Variants in RUSC2 observed in about 807,000 individuals in gnomAD.
The protein encoded by RUSC2 is AP-4 complex accessory subunit RUSC2.
In RUSC2, 34 loss-of-function variants were observed where a neutral mutation model predicts 122.2. The observed-to-expected ratio is 0.28, with a 90% CI of 0.21 to 0.37. The LOEUF (loss-of-function observed/expected upper bound fraction) is 0.37, where lower values mean the gene tolerates loss of function less well. Among genes scored for constraint, RUSC2 ranks in the 10% least tolerant of loss-of-function variants. The pLI is 1.00. For synonymous variants in RUSC2, 784 were observed against 790.0 expected, an observed-to-expected ratio of 0.99 and a Z score of 0.13; for missense variants, 1,747 against 1,952.4, an observed-to-expected ratio of 0.89 and a Z score of 1.98.
intron 1 of RUSC2, among the ~76,000 whole-genome samples, chr9:35,524,919 C>A (rs553859506): frequency 2.7e-5 from 4 of 150,422 alleles, no homozygotes; most frequent in East Asian, 2.0e-4. Flanking sequence ...TGCAGTAAGC[C>A]AAGATCGCAC....
At position 35,547,281 on chromosome 9, in the gene RUSC2, A is replaced by G. The variant is rs748415927; in HGVS notation, c.760A>G (p.Ser254Gly). The stretch of plus-strand genomic sequence containing the variant: ...AGGGGACCAGCACTGCCGCTGCAGT[A>G]GCACATCCAGTCAGTCCGAGGCAGC... ...GSGDQHCRCSSTSSQSEAADQ... is the reference protein window; with the variant it reads ...GSGDQHCRCSGTSSQSEAADQ... The change falls in exon 2 of 12, where the codon AGC becomes GGC. Residue 254 changes from serine to glycine, a missense_variant. Physicochemically the swap from Ser to Gly is moderately conservative, Grantham distance 56. Transcript: ENST00000361226. The surrounding 1 kb of genome is among the most constrained non-coding windows in gnomAD (Gnocchi z 4.6). 26 of 1,614,062 alleles carry G rather than the reference A, an allele frequency of 1.6e-5. No homozygotes were observed. Among genetic ancestry groups the G allele is most frequent in the Non-Finnish European group, 2.2e-5 (26 of 1,180,034 alleles).
At chr9:35,541,522 C>T (rs1821642200) in intron 1 of RUSC2, among the ~76,000 whole-genome samples, 1 of 152,024 alleles carries the variant, frequency 6.6e-6, no homozygotes, top group African/African-American at 2.4e-5. Flanking sequence ...TCTCGGCTCA[C>T]TGCAACCTCC....
At chr9:35,496,098 T>C (rs1448548411) in intron 1 of RUSC2, among the ~76,000 whole-genome samples, 1 of 151,926 alleles carries the variant, frequency 6.6e-6, no homozygotes, top group Non-Finnish European at 1.5e-5. Flanking sequence ...CTCGAGTCAG[T>C]GGTTGAGTAA....
chr9:35,559,107 T>C (rs1243606153), intron 8 of RUSC2, 119 bp from the exon 9 acceptor site: 1 of 815,204 alleles, frequency 1.2e-6, no homozygotes, highest in Middle Eastern at 2.2e-4. Flanking sequence ...TTAGGTGAAA[T>C]GAATCGTGCC....
intron 1 of RUSC2, among the ~76,000 whole-genome samples, chr9:35,510,994 G>A (rs1821001983): frequency 6.6e-6 from 1 of 152,198 alleles, no homozygotes; most frequent in Non-Finnish European, 1.5e-5. Context: ...CATCTACCCA[G>A]AGATAGCTCC....
chr9:35,499,309 TAGTG>T (rs1273856412), intron 1 of RUSC2, among the ~76,000 whole-genome samples: 4 of 151,788 alleles, frequency 2.6e-5, no homozygotes, highest in African/African-American at 9.7e-5. Flanking sequence ...AACAAAATAG[TAGTG>T]AGTCATCAAG....
chr9:35,531,405 G>T (rs889728041), intron 1 of RUSC2, among the ~76,000 whole-genome samples: 1 of 152,170 alleles, frequency 6.6e-6, no homozygotes, highest in African/African-American at 2.4e-5. Context: ...GACAACGAAG[G>T]TAAGAAAACT....
intron 9 of RUSC2, 36 bp from the exon 10 acceptor site, chr9:35,559,993 C>T (rs953830207): frequency 4.6e-6 from 7 of 1,523,984 alleles, no homozygotes; most frequent in Non-Finnish European, 6.2e-6. Flanking sequence ...GGCTCTGGTT[C>T]TCTGTGTGGA....
intron 1 of RUSC2, among the ~76,000 whole-genome samples, chr9:35,500,807 G>A (rs1404614335): frequency 6.6e-6 from 1 of 152,128 alleles, no homozygotes; most frequent in Non-Finnish European, 1.5e-5. Context: ...TTCTTAGATA[G>A]CATAGTGTCT....
At position 35,547,580 on chromosome 9, in the gene RUSC2, T is replaced by C. The variant is rs1429701154; in HGVS notation, c.1059T>C (p.His353=). ...GGREGGYGCP[H]ASSPELDANC... is the part of the protein sequence containing the mutation. Reference sequence around the variant, plus strand: ...GGGAAGGGGGCTATGGTTGCCCTCATGCCTCTTCTCCTGAGCTTGATGCCA... The same window carrying C: ...GGGAAGGGGGCTATGGTTGCCCTCACGCCTCTTCTCCTGAGCTTGATGCCA... The change falls in exon 2 of 12, where the codon CAT becomes CAC. Residue 353 remains histidine (H), a synonymous_variant. Transcript: ENST00000361226. This position sits in a 1 kb window ranked among gnomAD's most constrained non-coding sequence, Gnocchi z 4.6. 1.2e-6 allele frequency: 2 copies of C among 1,614,226 alleles called. No individual in the cohort carries two copies. Among genetic ancestry groups the C allele is most frequent in the African/African-American group, 2.7e-5 (2 of 75,070 alleles).
chr9:35,556,124 CTGCCGGCTGAAT>C lies in RUSC2; in HGVS notation c.2830_2841del (p.Cys944_Asn947del). Reference sequence around the variant, plus strand: ...CCCTCAGTGCTGCCAGCCATCTGAACTGCCGGCTGAATGGTGTGTGAGCAGGGTCCCCAGTAC... The same window carrying C: ...CCCTCAGTGCTGCCAGCCATCTGAACGGTGTGTGAGCAGGGTCCCCAGTAC... On this transcript the variant is annotated inframe_deletion and splice_region_variant, in exon 4 of 12. Transcript: ENST00000361226. 6.2e-7 allele frequency: 1 copy of C among 1,614,122 alleles called. No homozygotes were observed. The highest frequency in any genetic ancestry group is 8.5e-7 in the Non-Finnish European group (1 of 1,179,988).
rs201328421 is a variant in RUSC2 at position 35,560,263 on chromosome 9, T to TGGCCCG, written c.3632_3637dup (p.Ala1211_Arg1212dup). The TGGCCCG allele has an allele frequency of 1.3e-6, 2 of 1,592,060 alleles. No individual in the cohort carries two copies. On this transcript the variant is annotated inframe_insertion, in exon 10 of 12. Transcript: ENST00000361226. ...CTGTCTGCCCACTCCACGCTGCAGC[T>TGGCCCG]GGCCCGGGCCCGGGGCCAGGAGGGC...
intron 1 of RUSC2, among the ~76,000 whole-genome samples, chr9:35,531,685 ATAATG>A (rs1178610549): frequency 3.3e-5 from 5 of 152,234 alleles, no homozygotes; most frequent in Non-Finnish European, 5.9e-5. Flanking sequence ...ATTAAATGAG[ATAATG>A]TAAGTAAGTG....
intron 1 of RUSC2, among the ~76,000 whole-genome samples, chr9:35,544,885 T>C (rs1358909864): frequency 6.6e-6 from 1 of 152,174 alleles, no homozygotes; most frequent in Non-Finnish European, 1.5e-5. Context: ...TAACCCTTAA[T>C]CTTGTAGCTC....
At chr9:35,532,514 G>C (rs1312241420) in intron 1 of RUSC2, among the ~76,000 whole-genome samples, 1 of 152,222 alleles carries the variant, frequency 6.6e-6, no homozygotes, top group Non-Finnish European at 1.5e-5. Context: ...CAAGGCCGAG[G>C]TGGGCAGATC....
At position 35,560,231 on chromosome 9, in the gene RUSC2, C is replaced by T; in HGVS notation, c.3591C>T (p.Asp1197=). The stretch of plus-strand genomic sequence containing the variant: ...AGGAACTGCTGCGGGTGTCCCAGGA[C>T]CTGCTGCTGTCTGCCCACTCCACGC... ...QHKELLRVSQ[D]LLLSAHSTLQ... is the part of the protein sequence containing the mutation. The change falls in exon 10 of 12, where the codon GAC becomes GAT. Residue 1197 remains aspartate, a synonymous_variant. Coordinates refer to ENST00000361226, the MANE Select transcript of RUSC2 (RefSeq NM_014806.5). The T allele has an allele frequency of 3.1e-6, 5 of 1,603,088 alleles. No homozygotes were observed. Among genetic ancestry groups the T allele is most frequent in the Non-Finnish European group, 4.2e-6 (5 of 1,178,060 alleles).
intron 1 of RUSC2, among the ~76,000 whole-genome samples, chr9:35,531,752 G>A (rs1821421711): frequency 6.6e-6 from 1 of 152,196 alleles, no homozygotes; most frequent in African/African-American, 2.4e-5. Context: ...TGGGCTGGGC[G>A]TGGTGGTTCA....
chr9:35,547,632 G>A lies in RUSC2; in HGVS notation c.1111G>A (p.Glu371Lys). 1 of 1,614,184 alleles carries A rather than the reference G, an allele frequency of 6.2e-7. No homozygotes were observed. The highest frequency in any genetic ancestry group is 1.1e-5 in the South Asian group (1 of 91,080). ...ANCNSYRPHC[E>K]PCPAVADLTA... ...CTGCAACTCCTACCGCCCACACTGT[G>A]AGCCGTGCCCAGCAGTGGCTGACCT... The change falls in exon 2 of 12, where the codon GAG becomes AAG. Residue 371 changes from glutamate to lysine, a missense_variant. Transcript: ENST00000361226. The surrounding 1 kb of genome is among the most constrained non-coding windows in gnomAD (Gnocchi z 4.6).
At chr9:35,500,648 T>G (rs1342337093) in intron 1 of RUSC2, among the ~76,000 whole-genome samples, 1 of 152,208 alleles carries the variant, frequency 6.6e-6, no homozygotes, top group African/African-American at 2.4e-5. Flanking sequence ...GCTACTTTGT[T>G]TTTTAGAGTT....
Sources: gnomAD v4.1 joint callset for allele counts (sites outside exome capture counted in the v4.1 genomes callset) on GRCh38, gnomAD v4.1.1 for gene constraint, Gnocchi (gnomAD v3.1) non-coding constraint, MANE v1.5 for transcripts, NCBI Gene and HGNC (gene_info 2026-07-23, HGNC 2026-07-21) for gene names.